UNC45A: variants seen among roughly 807,000 people sequenced by gnomAD.
UNC45A encodes the protein protein unc-45 homolog A.
UNC45A carries 78 observed loss-of-function variants against 103.2 expected under a neutral mutation model. The observed-to-expected ratio is 0.76, with a 90% CI of 0.63 to 0.91. UNC45A has a LOEUF of 0.91. Among genes scored for constraint, UNC45A ranks in the 40% least tolerant of loss-of-function variants. The pLI, the probability that UNC45A is intolerant of heterozygous loss-of-function variation, is 0.00. For missense variants in UNC45A, 1,193 were observed against 1,224.8 expected, an observed-to-expected ratio of 0.97 and a Z score of 0.39; for synonymous variants, 495 against 504.6, an observed-to-expected ratio of 0.98 and a Z score of 0.25.
In UNC45A at chr15:90,945,031, G is replaced by A. The variant is rs2151367041; in HGVS notation, c.1167G>A (p.Glu389=). Residue 389 remains glutamate (E), a synonymous_variant, in exon 9 of 20, where the codon GAG becomes GAA. Transcript: ENST00000418476. ...ACCTCAAGTGTGATGCGGAGAGGGA[G>A]AATTTCCACAGACTTTGTGAAAACT... is the stretch of plus-strand genomic sequence containing the variant. ...FDDLKCDAER[E]NFHRLCENYI... is the part of the protein sequence containing the mutation. 6.2e-7 allele frequency: 1 copy of A among 1,613,004 alleles called. No homozygotes were observed. Among genetic ancestry groups the A allele is most frequent in the East Asian group, 2.2e-5 (1 of 44,884 alleles).
In UNC45A at chr15:90,936,440, G is replaced by A. The variant is rs778323871; in HGVS notation, c.406G>A (p.Gly136Arg). Residue 136 changes from glycine to arginine, a missense_variant, in exon 4 of 20, where the codon GGG becomes AGG. Physicochemically the swap from Gly to Arg is moderately radical, Grantham distance 125 (BLOSUM62 -2). Coordinates refer to ENST00000418476, the MANE Select transcript of UNC45A (RefSeq NM_018671.5). ...KVFQEALRNI[G>R]GQIQEKVRYM... ...TTTCCAGGAGGCCTTGCGGAACATC[G>A]GGGGCCAGATTCAGGAGAAGGTATG... 6 of 1,613,956 alleles carry A rather than the reference G, an allele frequency of 3.7e-6. No homozygotes were observed. In the South Asian group the frequency reaches 4.4e-5, roughly 12 times the overall value.
At chr15:90,941,914 G>A (rs533398688) in intron 6 of UNC45A, among the ~76,000 whole-genome samples, 1 of 149,112 alleles carries the variant, frequency 6.7e-6, no homozygotes, top group African/African-American at 2.5e-5. Context: ...AGCCCAGATC[G>A]CGCTACTGCA....
chr15:90,941,349 C>T (rs749717996), intron 6 of UNC45A, among the ~76,000 whole-genome samples: 6 of 152,204 alleles, frequency 3.9e-5, no homozygotes, highest in Non-Finnish European at 7.3e-5. Context: ...ATGCCCCCAG[C>T]TCTTACCTGA....
chr15:90,933,744 G>T (rs1027682682), upstream of UNC45A: 1 of 277,966 alleles, frequency 3.6e-6, no homozygotes, highest in Non-Finnish European at 6.6e-6. Context: ...ATGCTTGTTT[G>T]TTCTTCATAC....
chr15:90,946,216 T>C (rs2036558755), intron 9 of UNC45A, among the ~76,000 whole-genome samples: 1 of 141,906 alleles, frequency 7.0e-6, no homozygotes, highest in Non-Finnish European at 1.5e-5. Context: ...ATCACGCCAT[T>C]GCACTCCAGC....
upstream of UNC45A, chr15:90,931,477 A>C: frequency 6.2e-7 from 1 of 1,614,176 alleles, no homozygotes; most frequent in Non-Finnish European, 8.5e-7. Flanking sequence ...ACTTCCTGGC[A>C]AGCTTGGTTC....
Position 90,940,434 on chromosome 15 carries a change from G to A in UNC45A, c.648G>A (p.Leu216=), listed in dbSNP as rs559174448. The A allele has an allele frequency of 6.2e-7, 1 of 1,614,032 alleles. No individual in the cohort carries two copies. Among genetic ancestry groups the A allele is most frequent in the Non-Finnish European group, 8.5e-7 (1 of 1,179,938 alleles). The change falls in exon 6 of 20, where the codon CTG becomes CTA. Residue 216 remains leucine, a synonymous_variant. Coordinates refer to ENST00000418476, the MANE Select transcript of UNC45A (RefSeq NM_018671.5). ...AGACTGACCTCATGCTGGCGGCTCTGCGTACGCTGGTTGGCATTTGCTCTG... is the reference window on the plus strand; with the variant it reads ...AGACTGACCTCATGCTGGCGGCTCTACGTACGCTGGTTGGCATTTGCTCTG... ...MGETDLMLAA[L]RTLVGICSEH...
Position 90,947,819 on chromosome 15 carries a change from T to C in UNC45A, c.1524T>C (p.Ala508=), listed in dbSNP as rs1261861653. The change falls in exon 11 of 20, where the codon GCT becomes GCC. Residue 508 remains alanine, a synonymous_variant. Coordinates refer to ENST00000418476, the MANE Select transcript of UNC45A (RefSeq NM_018671.5). ...ALVGLCKLGS[A]GGTDFSMKQF... ...AGGGACTCTGTAAGCTCGGTTCGGC[T>C]GGAGGGACTGACTTCAGCATGAAGC... 1 of 1,614,158 alleles carries C rather than the reference T, an allele frequency of 6.2e-7. No homozygotes were observed. Among genetic ancestry groups the C allele is most frequent in the Admixed American group, 1.7e-5 (1 of 60,022 alleles).
At chr15:90,946,942 G>GCGTGGGGGGGGGGGC in intron 10 of UNC45A, 28 bp downstream of exon 10, 1 of 817,446 alleles carries the variant, frequency 1.2e-6, no homozygotes, top group East Asian at 3.3e-5. Flanking sequence ...GGGTGGGTGG[G>GCGTGGGGGGGGGGGC]CAGGCAGCCA....
chr15:90,952,732 C>T (rs746567886), intron 17 of UNC45A, 197 bp from the exon 18 acceptor site: 112 of 587,286 alleles, frequency 1.9e-4, no homozygotes, highest in Non-Finnish European at 3.0e-4. Flanking sequence ...GCCGAGATGC[C>T]ACGCACTTTT....
intron 6 of UNC45A, 66 bp downstream of exon 6, chr15:90,940,539 A>G (rs2036240927): frequency 1.3e-6 from 2 of 1,547,358 alleles, no homozygotes. Context: ...CCATTCCTCC[A>G]TCCACCCATC....
chr15:90,937,954 C>T (rs879782999), intron 4 of UNC45A, among the ~76,000 whole-genome samples: 6 of 151,938 alleles, frequency 3.9e-5, no homozygotes, highest in East Asian at 1.9e-4. Context: ...TCACCACGCT[C>T]GCCTAATTTT....
At chr15:90,951,057 G>A (rs904755725) in intron 17 of UNC45A, among the ~76,000 whole-genome samples, 2 of 152,080 alleles carry the variant, frequency 1.3e-5, no homozygotes, top group Non-Finnish European at 2.9e-5. Context: ...ACCCAGCCTA[G>A]AGGGCAGTGG....
chr15:90,945,861 G>C (rs896131043), intron 9 of UNC45A, among the ~76,000 whole-genome samples: 19 of 150,732 alleles, frequency 1.3e-4, no homozygotes, highest in Non-Finnish European at 2.8e-4. Flanking sequence ...TCGAACTCCT[G>C]ACCTCACACC....
chr15:90,935,345 G>T lies in UNC45A; in HGVS notation c.21G>T (p.Gly7=). Residue 7 remains glycine (G), a synonymous_variant, in exon 1 of 20, where the codon GGG becomes GGT. Coordinates refer to ENST00000418476, the MANE Select transcript of UNC45A (RefSeq NM_018671.5). ...CCGCGATGACTGTGAGTGGTCCAGGGACCCCCGAGCCCCGGCCGGCCACCC... is the reference window on the plus strand; with the variant it reads ...CCGCGATGACTGTGAGTGGTCCAGGTACCCCCGAGCCCCGGCCGGCCACCC... The part of the protein sequence containing the change: MTVSGP[G]TPEPRPATPG... 1 of 1,604,448 alleles carries T rather than the reference G, an allele frequency of 6.2e-7. No homozygotes were observed. The highest frequency in any genetic ancestry group is 8.5e-7 in the Non-Finnish European group (1 of 1,176,786).
At chr15:90,949,154 G>GTGGC (rs2036749373) in intron 13 of UNC45A, among the ~76,000 whole-genome samples, 162 bp from the exon 14 acceptor site, 1 of 152,170 alleles carries the variant, frequency 6.6e-6, no homozygotes, top group Non-Finnish European at 1.5e-5. Context: ...GGGATTACAG[G>GTGGC]TGTGAGCCAC....
chr15:90,932,232 A>C (rs1163306778), upstream of UNC45A: 3 of 1,122,668 alleles, frequency 2.7e-6, no homozygotes, highest in Non-Finnish European at 3.7e-6. Flanking sequence ...ACCTTGGTCA[A>C]GTACCTTACC....
intron 17 of UNC45A, among the ~76,000 whole-genome samples, chr15:90,951,602 A>G (rs1286513617): frequency 6.6e-6 from 1 of 152,126 alleles, no homozygotes; most frequent in African/African-American, 2.4e-5. Context: ...TCCCTATTTA[A>G]AAAAGAAATT....
chr15:90,945,066 A>G lies in UNC45A; in HGVS notation c.1199+3A>G, dbSNP rs1461944569. ...AGACTTTGTGAAAACTACATCAAGTAAGGAAGTCTGTTTCACCTCCCGTTG... is the reference window on the plus strand; with the variant it reads ...AGACTTTGTGAAAACTACATCAAGTGAGGAAGTCTGTTTCACCTCCCGTTG... On this transcript the variant is annotated splice_donor_region_variant and intron_variant, in intron 9 of 19. Transcript: ENST00000418476. 1.2e-5 allele frequency: 19 copies of G among 1,611,888 alleles called. No homozygotes were observed. The highest frequency in any genetic ancestry group is 1.6e-5 in the Non-Finnish European group (19 of 1,179,576).
Sources: allele counts gnomAD v4.1 joint callset (sites outside exome capture counted in the v4.1 genomes callset), GRCh38; gene constraint gnomAD v4.1.1; transcripts MANE v1.5; gene names NCBI Gene and HGNC (gene_info 2026-07-23, HGNC 2026-07-21).